WEE2: variants seen among roughly 807,000 people sequenced by gnomAD.
The protein encoded by WEE2 is wee1-like protein kinase 2.
Under a neutral mutation model 60.1 loss-of-function variants are expected in WEE2, and 50 were observed. That is an observed-to-expected ratio of 0.83 (90% CI 0.66 to 1.05). The LOEUF is 1.05. WEE2 is among the 50% of genes least tolerant of loss of function. The pLI, the probability that WEE2 is intolerant of heterozygous loss-of-function variation, is 0.00. For synonymous variants in WEE2, 240 were observed against 241.0 expected (o/e 1.00, Z 0.04); for missense variants, 631 against 684.3 (o/e 0.92, Z 0.87).
rs1798658411 is a variant in WEE2 at position 141,708,647 on chromosome 7, T to A, written c.-112T>A. On this transcript the variant is annotated 5_prime_UTR_variant, in exon 1 of 12. Coordinates refer to ENST00000397541, the MANE Select transcript of WEE2 (RefSeq NM_001105558.1). ...TTAGTTGGTAGAGGGAAATTCAGGC[T>A]ACCGTCGCGAAACCTGCAGGTTAAG... 2 of 868,972 alleles carry A rather than the reference T, an allele frequency of 2.3e-6. No individual in the cohort carries two copies. The highest frequency in any genetic ancestry group is 4.7e-5 in the Admixed American group (2 of 42,772). The allele number at this position is 868,972 out of a possible 1,614,324, so 53.8% of individuals were successfully genotyped here.
At chr7:141,727,529 T>C in intron 10 of WEE2, 83 bp downstream of exon 10, 2 of 1,510,940 alleles carry the variant, frequency 1.3e-6, no homozygotes, top group Non-Finnish European at 1.8e-6. Context: ...GTCTTCTCTG[T>C]GGATTCAAGT....
intron 6 of WEE2, 68 bp from the exon 7 acceptor site, chr7:141,723,873 A>G: frequency 9.3e-7 from 1 of 1,073,686 alleles, no homozygotes; most frequent in South Asian, 1.6e-5. Flanking sequence ...TCAAATACAG[A>G]AAAGAATCTT....
intron 6 of WEE2, 132 bp from the exon 7 acceptor site, chr7:141,723,809 A>G (rs1405567488): frequency 1.7e-6 from 1 of 604,068 alleles, no homozygotes; most frequent in East Asian, 2.9e-5. Flanking sequence ...ATACAAAAAA[A>G]AAACCTTAGT....
At chr7:141,729,790 C>A (rs1799097639) in intron 11 of WEE2, 117 bp downstream of exon 11, 6 of 1,206,742 alleles carry the variant, frequency 5.0e-6, no homozygotes, top group Non-Finnish European at 6.9e-6. Flanking sequence ...AGATCGAAAC[C>A]ATCCTGGCTA....
At chr7:141,717,269 A>T (rs1047391627) in intron 3 of WEE2, among the ~76,000 whole-genome samples, 5 of 152,222 alleles carry the variant, frequency 3.3e-5, no homozygotes, top group African/African-American at 1.2e-4. Context: ...TTTCTGAAGC[A>T]AGTTTTATTT....
chr7:141,724,744 C>A (rs1052844626), intron 8 of WEE2, among the ~76,000 whole-genome samples: 1 of 152,166 alleles, frequency 6.6e-6, no homozygotes, highest in African/African-American at 2.4e-5. Context: ...AATGAGTATT[C>A]CCTTCCTGTG....
chr7:141,723,908 T>C (rs1006918455), intron 6 of WEE2, 33 bp from the exon 7 acceptor site: 1 of 1,381,546 alleles, frequency 7.2e-7, no homozygotes, highest in Non-Finnish European at 1.0e-6. Context: ...TTAGAAGTCA[T>C]TACTTACATC....
chr7:141,713,741 T>G (rs1174691110), intron 1 of WEE2, among the ~76,000 whole-genome samples: 1 of 152,208 alleles, frequency 6.6e-6, no homozygotes, highest in Non-Finnish European at 1.5e-5. Context: ...TTCCTTAAGA[T>G]TTAGAATTCA....
At chr7:141,722,290 A>T (rs1020615870) in intron 5 of WEE2, among the ~76,000 whole-genome samples, 11 of 152,298 alleles carry the variant, frequency 7.2e-5, no homozygotes, top group Admixed American at 7.2e-4. Flanking sequence ...CTTTAGTCCC[A>T]GCTACTGGGG....
chr7:141,721,908 G>C (rs886954307), intron 5 of WEE2, among the ~76,000 whole-genome samples: 2 of 152,096 alleles, frequency 1.3e-5, no homozygotes, highest in Non-Finnish European at 2.9e-5. Context: ...TTTCCGAAAC[G>C]AGCTAAATTT....
chr7:141,718,648 G>A (rs988383985), intron 3 of WEE2, among the ~76,000 whole-genome samples: 1 of 152,064 alleles, frequency 6.6e-6, no homozygotes, highest in Non-Finnish European at 1.5e-5. Flanking sequence ...AGCTTGAGAT[G>A]GAAACATTAG....
At chr7:141,726,606 A>AG (rs1799022543) in intron 9 of WEE2, among the ~76,000 whole-genome samples, 1 of 152,204 alleles carries the variant, frequency 6.6e-6, no homozygotes, top group Non-Finnish European at 1.5e-5. Flanking sequence ...TCAGTACCTA[A>AG]ATGCTGGCCC....
At chr7:141,720,141 C>CTTTTTTTTTTTTTTTTTTTTTTTTTT (rs571238574) in intron 4 of WEE2, among the ~76,000 whole-genome samples, 1 of 64,202 alleles carries the variant, frequency 1.6e-5, no homozygotes, top group African/African-American at 6.2e-5. Flanking sequence ...TAGAATTCCT[C>CTTTTTTTTTTTTTTTTTTTTTTTTTT]TTTTTTTTTT....
intron 4 of WEE2, among the ~76,000 whole-genome samples, chr7:141,719,623 G>A (rs533227981): frequency 6.6e-6 from 1 of 152,170 alleles, no homozygotes; most frequent in Admixed American, 6.5e-5. Context: ...GCTAATTTTT[G>A]TATTTTTAGT....
intron 9 of WEE2, 38 bp downstream of exon 9, chr7:141,725,234 C>T: frequency 6.3e-7 from 1 of 1,586,016 alleles, no homozygotes; most frequent in Non-Finnish European, 8.6e-7. Flanking sequence ...GATGCAATAT[C>T]TATTTTTTTA....
chr7:141,728,119 A>G (rs922048420), intron 10 of WEE2: 44 of 152,336 alleles, frequency 2.9e-4, no homozygotes, highest in African/African-American at 1.0e-3. Context: ...AATTTGTTGT[A>G]GTGGGGGACT....
chr7:141,724,955 A>G, intron 8 of WEE2, 71 bp from the exon 9 acceptor site: 1 of 1,525,918 alleles, frequency 6.6e-7, no homozygotes, highest in South Asian at 1.3e-5. Context: ...AACCTTTCCT[A>G]CCAGTTATAT....
chr7:141,725,611 C>G (rs1319231192), intron 9 of WEE2, among the ~76,000 whole-genome samples: 1 of 122,308 alleles, frequency 8.2e-6, no homozygotes, highest in Non-Finnish European at 1.6e-5. Context: ...GGCGACAGAG[C>G]GAGACTCCGT....
chr7:141,728,727 C>T (rs1415458416), intron 10 of WEE2, among the ~76,000 whole-genome samples: 1 of 152,170 alleles, frequency 6.6e-6, no homozygotes, highest in Admixed American at 6.5e-5. Context: ...CTGTTAGGAA[C>T]CGGACTGCAT....
Sources: allele counts gnomAD v4.1 joint callset (sites outside exome capture counted in the v4.1 genomes callset), GRCh38; gene constraint gnomAD v4.1.1; transcripts MANE v1.5; gene names NCBI Gene and HGNC (gene_info 2026-07-23, HGNC 2026-07-21).